The following MACROD2 variants were observed in gnomAD, a reference collection of about 807,000 sequenced individuals.
MACROD2 encodes ADP-ribose glycohydrolase MACROD2.
MACROD2 carries 36 observed loss-of-function variants against 70.4 expected under a neutral mutation model. The ratio of observed to expected loss-of-function variants is 0.51; its 90% CI spans 0.39 to 0.68. The LOEUF (loss-of-function observed/expected upper bound fraction) is 0.68. MACROD2 is among the 30% of genes least tolerant of loss of function. The pLI is 0.00. For synonymous variants in MACROD2, 172 were observed against 178.8 expected, an observed-to-expected ratio of 0.96 and a Z score of 0.30; for missense variants, 496 against 538.4, an observed-to-expected ratio of 0.92 and a Z score of 0.78.
intron 5 of MACROD2, among the ~76,000 whole-genome samples, chr20:14,812,337 A>C (rs1021267715): frequency 6.6e-6 from 1 of 151,946 alleles, no homozygotes; most frequent in Non-Finnish European, 1.5e-5. Context: ...ACCAAACACC[A>C]CATGTTCTCA....
At position 15,403,258 on chromosome 20, in the gene MACROD2, G is replaced by A. The variant is rs374294545; in HGVS notation, c.541-28147G>A. On this transcript the variant is annotated intron_variant, in intron 6 of 17. Transcript: ENST00000684519. ...GCTGGGATTATAGCTGTGAGCCACC[G>A]CGTCTCACCTTAAGAAGTTTTTAAT... 7.4e-4 allele frequency among the ~76,000 whole-genome samples: 112 copies of A among 152,226 alleles called. No homozygotes were observed. In the South Asian group the frequency reaches 0.02, roughly 27 times the overall value.
intron 5 of MACROD2, among the ~76,000 whole-genome samples, chr20:14,786,626 G>A (rs2072378074): frequency 6.6e-6 from 1 of 151,964 alleles, no homozygotes; most frequent in Admixed American, 6.6e-5. Context: ...GGAGGTCCAA[G>A]GTTGAACTCC....
intron 5 of MACROD2, among the ~76,000 whole-genome samples, chr20:14,764,368 C>T (rs554531911): frequency 1.1e-4 from 17 of 152,144 alleles, no homozygotes; most frequent in African/African-American, 4.1e-4. Context: ...CATGCTTTTC[C>T]AGTTGCCTGA....
intron 6 of MACROD2, among the ~76,000 whole-genome samples, chr20:15,297,850 A>G (rs2077605545): frequency 6.6e-6 from 1 of 152,162 alleles, no homozygotes; most frequent in African/African-American, 2.4e-5. Context: ...CTTTTTAATG[A>G]CTCAATCACA....
At chr20:14,038,956 G>A (rs1206191369) in intron 2 of MACROD2, among the ~76,000 whole-genome samples, 3 of 151,992 alleles carry the variant, frequency 2.0e-5, no homozygotes, top group African/African-American at 7.2e-5. Context: ...GGTAGGATGG[G>A]CCATATTGAA....
At chr20:15,613,261 T>C (rs1291039376) in intron 8 of MACROD2, among the ~76,000 whole-genome samples, 11 of 152,194 alleles carry the variant, frequency 7.2e-5, no homozygotes, top group Non-Finnish European at 1.6e-4. Context: ...TTGCTAAAAT[T>C]TCCAACGTCT....
intron 5 of MACROD2, among the ~76,000 whole-genome samples, chr20:15,223,242 T>C (rs1256511030): frequency 1.3e-5 from 2 of 152,242 alleles, no homozygotes; most frequent in Non-Finnish European, 2.9e-5. Flanking sequence ...GAAATGCTGA[T>C]TAAATGTACA....
At chr20:15,988,740 C>T (rs2066519189) in intron 15 of MACROD2, among the ~76,000 whole-genome samples, 1 of 152,154 alleles carries the variant, frequency 6.6e-6, no homozygotes, top group African/African-American at 2.4e-5. Flanking sequence ...TAAAATTTGA[C>T]TTTTCACTGT....
At chr20:14,360,725 T>G (rs1161990433) in intron 3 of MACROD2, among the ~76,000 whole-genome samples, 1 of 152,256 alleles carries the variant, frequency 6.6e-6, no homozygotes, top group Non-Finnish European at 1.5e-5. Context: ...AGGCATCTTT[T>G]CTTTTAGAAA....
chr20:15,542,481 C>A (rs532545142), intron 8 of MACROD2, among the ~76,000 whole-genome samples: 3 of 152,050 alleles, frequency 2.0e-5, no homozygotes, highest in Non-Finnish European at 4.4e-5. Context: ...TAATAGCCAT[C>A]GATATTGCAA....
In MACROD2 at chr20:14,686,722, A is replaced by C. The variant is rs537148705; in HGVS notation, c.418+1763A>C. 2.0e-5 allele frequency among the ~76,000 whole-genome samples: 3 copies of C among 152,322 alleles called. No homozygotes were observed. The East Asian group carries it at 5.8e-4, about 29-fold the overall frequency. On this transcript the variant is annotated intron_variant, in intron 5 of 17. Transcript: ENST00000684519. ...TTGTGTAAGTATACCCTATGATTAC[A>C]TAACGATGAAATCACCTAAGGAGTC...
At position 14,684,830 on chromosome 20, in the gene MACROD2, C is replaced by A. The variant is rs1476463142; in HGVS notation, c.302-13C>A. 1 of 1,606,668 alleles carries A rather than the reference C, an allele frequency of 6.2e-7. No individual in the cohort carries two copies. ...ATGCCAAATATAAGCTAACTTTCTT[C>A]TTTCTCCCTTAGTGGATGGCTGTAT... On this transcript the variant is annotated splice_polypyrimidine_tract_variant and intron_variant, in intron 4 of 17. Coordinates refer to ENST00000684519, the MANE Select transcript of MACROD2 (RefSeq NM_001351661.2).
intron 5 of MACROD2, among the ~76,000 whole-genome samples, chr20:15,143,469 T>C (rs1257189764): frequency 6.6e-6 from 1 of 152,224 alleles, no homozygotes; most frequent in Admixed American, 6.5e-5. Context: ...GGTTGCCTGT[T>C]CACTCTGATG....
chr20:14,984,546 TTTACA>T (rs2074831641), intron 5 of MACROD2, among the ~76,000 whole-genome samples: 1 of 152,154 alleles, frequency 6.6e-6, no homozygotes, highest in South Asian at 2.1e-4. Context: ...AAAATAACAG[TTTACA>T]TTACATCTAG....
At chr20:14,282,353 G>A (rs1020622569) in intron 3 of MACROD2, among the ~76,000 whole-genome samples, 7 of 152,168 alleles carry the variant, frequency 4.6e-5, no homozygotes, top group African/African-American at 1.4e-4. Flanking sequence ...GTTATTCAAA[G>A]GTTAGACTGG....
At chr20:16,039,302 G>C (rs1302630962) in intron 15 of MACROD2, among the ~76,000 whole-genome samples, 3 of 151,810 alleles carry the variant, frequency 2.0e-5, no homozygotes, top group Admixed American at 6.6e-5. Context: ...TCCTTTTGTT[G>C]TTAGCAAAGT....
At chr20:15,500,790 T>A (rs780352497) in intron 8 of MACROD2, among the ~76,000 whole-genome samples, 1 of 152,184 alleles carries the variant, frequency 6.6e-6, no homozygotes. Context: ...TATTGTAATT[T>A]CGGCATTTGT....
At chr20:14,565,739 C>A (rs1486690459) in intron 4 of MACROD2, among the ~76,000 whole-genome samples, 1 of 151,856 alleles carries the variant, frequency 6.6e-6, no homozygotes, top group Non-Finnish European at 1.5e-5. Context: ...GTTGATTATT[C>A]TCCATTTACT....
At chr20:15,064,347 C>T (rs551031453) in intron 5 of MACROD2, among the ~76,000 whole-genome samples, 6 of 152,252 alleles carry the variant, frequency 3.9e-5, no homozygotes, top group African/African-American at 9.6e-5. Context: ...GAACGTCAGA[C>T]GGCATCTGCT....
Sources: gnomAD v4.1 joint callset for allele counts (sites outside exome capture counted in the v4.1 genomes callset) on GRCh38, gnomAD v4.1.1 for gene constraint, MANE v1.5 for transcripts, NCBI Gene and HGNC (gene_info 2026-07-23, HGNC 2026-07-21) for gene names.